The following LGR6 variants were observed in gnomAD, a reference collection of about 807,000 sequenced individuals.
LGR6 encodes leucine-rich repeat-containing G protein-coupled receptor 6.
LGR6 carries 45 observed loss-of-function variants against 69.4 expected under a neutral mutation model. That is an observed-to-expected ratio of 0.65 (90% CI 0.51 to 0.83). The LOEUF (loss-of-function observed/expected upper bound fraction) is 0.83. LGR6 is among the 40% of genes least tolerant of loss of function. LGR6 has a pLI of 0.00. For synonymous variants in LGR6, 538 were observed against 555.0 expected, an observed-to-expected ratio of 0.97 and a Z score of 0.43; for missense variants, 1,108 against 1,246.7, an observed-to-expected ratio of 0.89 and a Z score of 1.68.
chr1:202,283,277 G>A (rs1022171829), intron 6 of LGR6, among the ~76,000 whole-genome samples: 2 of 152,184 alleles, frequency 1.3e-5, no homozygotes, highest in African/African-American at 4.8e-5. Flanking sequence ...CAATTAAAAA[G>A]GGGAAAAGTG....
chr1:202,239,138 G>C lies in LGR6; in HGVS notation c.428+3145G>C, dbSNP rs1571871278. Reference sequence around the variant, plus strand: ...CAGGGGTAGGTGTCTTCCAACCAGGGTAGGTGTCTTCCGGCCGGCTCTTTT... The same window carrying C: ...CAGGGGTAGGTGTCTTCCAACCAGGCTAGGTGTCTTCCGGCCGGCTCTTTT... On this transcript the variant is annotated intron_variant, in intron 4 of 17. Transcript: ENST00000367278. Among the ~76,000 whole-genome samples, 2 of 152,120 alleles carry C rather than the reference G, an allele frequency of 1.3e-5. 1 individual carries two copies. Among genetic ancestry groups the C allele is most frequent in the South Asian group, 4.2e-4 (2 of 4,814 alleles).
Position 202,318,094 on chromosome 1 carries a change from C to G in LGR6, c.1791C>G (p.Val597=). ...GCGGGCCTGTCCCCCTGCCCCCGGT[C>G]AAGTTTGTGGTAGGTGCGATTGCAG... is the stretch of plus-strand genomic sequence containing the variant. ...FAGGPVPLPP[V]KFVVGAIAGA... Residue 597 remains valine, a synonymous_variant, in exon 18 of 18, where the codon GTC becomes GTG. Transcript: ENST00000367278. The G allele has an allele frequency of 6.2e-7, 1 of 1,614,196 alleles. No homozygotes were observed. The highest frequency in any genetic ancestry group is 1.1e-5 in the South Asian group (1 of 91,072).
chr1:202,256,094 G>A (rs1663750297), intron 4 of LGR6, among the ~76,000 whole-genome samples: 1 of 151,850 alleles, frequency 6.6e-6, no homozygotes, highest in Non-Finnish European at 1.5e-5. Context: ...CTGTCTCTTT[G>A]GATTTGCCTG....
chr1:202,279,358 C>T (rs561456379), intron 5 of LGR6, among the ~76,000 whole-genome samples: 4 of 152,234 alleles, frequency 2.6e-5, no homozygotes, highest in Admixed American at 6.5e-5. Flanking sequence ...TCCCCAGGCT[C>T]GCAGGAGTCC....
intron 4 of LGR6, among the ~76,000 whole-genome samples, chr1:202,257,895 A>G (rs1190572684): frequency 2.6e-5 from 4 of 152,270 alleles, no homozygotes; most frequent in East Asian, 1.9e-4. Context: ...CTGTAGATCA[A>G]TTTGTTGAGT....
intron 4 of LGR6, among the ~76,000 whole-genome samples, chr1:202,237,009 G>A (rs1661621622): frequency 6.6e-6 from 1 of 151,114 alleles, no homozygotes; most frequent in South Asian, 2.1e-4. Context: ...GCCAGCTGTG[G>A]GGGTCCTGGC....
intron 1 of LGR6, among the ~76,000 whole-genome samples, chr1:202,214,437 C>T (rs1270321686): frequency 1.4e-5 from 2 of 145,342 alleles, no homozygotes; most frequent in Admixed American, 6.8e-5. Flanking sequence ...CGGGCAGGGG[C>T]GGGCAGGGGC....
intron 4 of LGR6, among the ~76,000 whole-genome samples, chr1:202,242,563 G>A (rs1242657898): frequency 6.6e-6 from 1 of 152,190 alleles, no homozygotes; most frequent in Non-Finnish European, 1.5e-5. Flanking sequence ...CTCTTGAATT[G>A]TTTATGCTTA....
chr1:202,207,911 G>A (rs1318001542), intron 1 of LGR6, among the ~76,000 whole-genome samples: 3 of 152,202 alleles, frequency 2.0e-5, no homozygotes, highest in African/African-American at 7.2e-5. Flanking sequence ...TGTGCTAGGT[G>A]CTGACACTAA....
chr1:202,245,447 G>T lies in LGR6; in HGVS notation c.428+9454G>T, dbSNP rs372677543. Among the ~76,000 whole-genome samples the T allele has an allele frequency of 8.9e-4, 136 of 152,272 alleles. 2 individuals are homozygous for T. Among genetic ancestry groups the T allele is most frequent in the African/African-American group, 2.9e-3 (121 of 41,550 alleles). On this transcript the variant is annotated intron_variant, in intron 4 of 17. Transcript: ENST00000367278. ...TCTTTCAGCCGTAAATGCCGGTCTG[G>T]GACAGAGTTGGCCCAAGTCGGGCCA... is the stretch of plus-strand genomic sequence containing the variant.
intron 14 of LGR6, 50 bp downstream of exon 14, chr1:202,307,451 TATGG>T (rs777539594): frequency 6.3e-7 from 1 of 1,577,602 alleles, no homozygotes; most frequent in Non-Finnish European, 8.7e-7. Flanking sequence ...CAGTCGGGAC[TATGG>T]GCTGGCCAAT....
chr1:202,270,836 G>A (rs1291708776), intron 4 of LGR6, among the ~76,000 whole-genome samples: 2 of 152,152 alleles, frequency 1.3e-5, no homozygotes, highest in African/African-American at 4.8e-5. Context: ...ATGACCTGGC[G>A]ACTTTCACAC....
chr1:202,242,585 C>T (rs1182876193), intron 4 of LGR6, among the ~76,000 whole-genome samples: 2 of 152,182 alleles, frequency 1.3e-5, no homozygotes, highest in Admixed American at 1.3e-4. Flanking sequence ...TGGGTGCTTG[C>T]CTTCTCTGGG....
chr1:202,289,575 C>G (rs1340690168), intron 6 of LGR6, among the ~76,000 whole-genome samples: 2 of 152,198 alleles, frequency 1.3e-5, no homozygotes, highest in Non-Finnish European at 2.9e-5. Context: ...GTATCTGTGT[C>G]TCTCAATGGA....
intron 1 of LGR6, chr1:202,214,188 G>A: frequency 1.3e-6 from 2 of 1,533,238 alleles, no homozygotes; most frequent in Non-Finnish European, 1.7e-6. Context: ...CTCAGCGAGG[G>A]CGGGACAGAA....
intron 4 of LGR6, among the ~76,000 whole-genome samples, chr1:202,238,575 T>C (rs1351538342): frequency 1.3e-5 from 2 of 151,750 alleles, no homozygotes; most frequent in Non-Finnish European, 2.9e-5. Flanking sequence ...AGGCGTGGGC[T>C]ACCACGCCCG....
chr1:202,254,312 G>C (rs1176843516), intron 4 of LGR6, among the ~76,000 whole-genome samples: 3 of 152,196 alleles, frequency 2.0e-5, no homozygotes, highest in African/African-American at 7.2e-5. Context: ...ACCAGGGTGG[G>C]AGCCTGAGGC....
intron 6 of LGR6, among the ~76,000 whole-genome samples, chr1:202,291,277 T>C (rs865897810): frequency 3.7e-4 from 57 of 152,278 alleles, no homozygotes; most frequent in Non-Finnish European, 1.0e-4. Flanking sequence ...AATGAACTCT[T>C]CCTGGGCTTC....
At chr1:202,317,360 GGAGA>G (rs1246690782) in intron 17 of LGR6, among the ~76,000 whole-genome samples, 1 of 150,848 alleles carries the variant, frequency 6.6e-6, no homozygotes, top group African/African-American at 2.4e-5. Flanking sequence ...GTTTTTTTGG[GGAGA>G]GAGAGAGTCT....
Sources: allele counts gnomAD v4.1 joint callset (sites outside exome capture counted in the v4.1 genomes callset), GRCh38; gene constraint gnomAD v4.1.1; transcripts MANE v1.5; gene names NCBI Gene and HGNC (gene_info 2026-07-23, HGNC 2026-07-21).